The following DYNC2H1 variants were observed in gnomAD, a reference collection of about 807,000 sequenced individuals.
DYNC2H1 encodes dynein cytoplasmic 2 heavy chain 1.
Under a neutral mutation model 570.0 loss-of-function variants are expected in DYNC2H1, and 410 were observed. The ratio of observed to expected loss-of-function variants is 0.72; its 90% CI spans 0.66 to 0.78. The LOEUF (loss-of-function observed/expected upper bound fraction) is 0.78. Ranked by LOEUF, DYNC2H1 falls within the 30% of genes least tolerant of loss-of-function variation. The pLI, the probability that DYNC2H1 is intolerant of heterozygous loss-of-function variation, is 0.00. For missense variants in DYNC2H1, 4,865 were observed against 5,046.4 expected (o/e 0.96, Z 1.09); for synonymous variants, 1,688 against 1,677.6 (o/e 1.01, Z -0.15).
At chr11:103,442,727 C>A (rs929345939) in intron 85 of DYNC2H1, among the ~76,000 whole-genome samples, 1 of 152,094 alleles carries the variant, frequency 6.6e-6, no homozygotes, top group African/African-American at 2.4e-5. Context: ...TTTCTATCTG[C>A]ATTGCACCTT....
chr11:103,317,051 C>G (rs558649592), intron 80 of DYNC2H1, among the ~76,000 whole-genome samples: 52 of 152,208 alleles, frequency 3.4e-4, no homozygotes, highest in African/African-American at 1.2e-3. Context: ...GCCATTTAAT[C>G]TGACCCCCTA....
Position 103,228,738 on chromosome 11 carries a change from A to G in DYNC2H1, c.9354-2522A>G, listed in dbSNP as rs1863890619. On this transcript the variant is annotated intron_variant, in intron 59 of 88. Coordinates refer to ENST00000375735, the MANE Select transcript of DYNC2H1 (RefSeq NM_001377.3). The surrounding 1 kb of genome is among the most constrained non-coding windows in gnomAD (Gnocchi z 6.1). ...TATAGGGAGGATGCAAACTTGCCCT[A>G]GGGACACCTGGTTAACTCTTCAGGT... 1.3e-5 allele frequency among the ~76,000 whole-genome samples: 2 copies of G among 152,100 alleles called. No homozygotes were observed. The highest frequency in any genetic ancestry group is 4.1e-4 in the South Asian group (2 of 4,820).
intron 84 of DYNC2H1, among the ~76,000 whole-genome samples, chr11:103,423,980 A>G (rs1474032514): frequency 2.0e-5 from 3 of 152,138 alleles, no homozygotes; most frequent in African/African-American, 7.2e-5. Context: ...AAAAGAATGA[A>G]GTAGATGGGA....
chr11:103,421,195 T>A (rs1187158181), intron 84 of DYNC2H1, among the ~76,000 whole-genome samples: 1 of 151,838 alleles, frequency 6.6e-6, no homozygotes, highest in African/African-American at 2.4e-5. Flanking sequence ...CAAATAGATA[T>A]GCACCCAGAT....
chr11:103,208,012 A>G (rs1863005434), intron 52 of DYNC2H1, among the ~76,000 whole-genome samples: 2 of 152,094 alleles, frequency 1.3e-5, no homozygotes, highest in South Asian at 4.2e-4. Flanking sequence ...CAGGATTTTG[A>G]TGTTGGAAGG....
chr11:103,171,036 CAT>C lies in DYNC2H1; in HGVS notation c.5304_5305del (p.His1768GlnfsTer5). 1.2e-6 allele frequency: 2 copies of C among 1,610,464 alleles called. No homozygotes were observed. Among genetic ancestry groups the C allele is most frequent in the Non-Finnish European group, 8.5e-7 (1 of 1,177,734 alleles). On this transcript the variant is annotated frameshift_variant, in exon 34 of 89. Transcript: ENST00000375735. LOFTEE classifies it high-confidence loss of function. ...GACAATTCAAGATGCTTTGAAGAAT[CAT>C]AGAACTGTATGTGAACTGCTTGGCA... ...IQTIQDALKN[H>X]RTVCELLGKE...
intron 74 of DYNC2H1, among the ~76,000 whole-genome samples, 187 bp downstream of exon 74, chr11:103,286,573 C>T (rs1210307633): frequency 6.6e-6 from 1 of 152,154 alleles, no homozygotes; most frequent in Non-Finnish European, 1.5e-5. Flanking sequence ...GGTCTGGTTT[C>T]TCTCTCACTG....
chr11:103,193,743 T>C (rs1190829602), intron 47 of DYNC2H1, among the ~76,000 whole-genome samples: 5 of 151,954 alleles, frequency 3.3e-5, no homozygotes, highest in African/African-American at 9.7e-5. Context: ...AGACAGGGCT[T>C]CTCCATGTTG....
At chr11:103,322,066 TCTTA>T (rs895308799) in intron 81 of DYNC2H1, among the ~76,000 whole-genome samples, 1 of 152,176 alleles carries the variant, frequency 6.6e-6, no homozygotes, top group African/African-American at 2.4e-5. Context: ...TTACTGACTA[TCTTA>T]CTTATTACCT....
chr11:103,247,474 T>C (rs1318130740), intron 65 of DYNC2H1, among the ~76,000 whole-genome samples: 1 of 152,126 alleles, frequency 6.6e-6, no homozygotes, highest in Non-Finnish European at 1.5e-5. Flanking sequence ...GCCCGAAGAC[T>C]GGTAGATCAC....
chr11:103,300,817 GTGGTA>G (rs1867015953), intron 75 of DYNC2H1, among the ~76,000 whole-genome samples: 1 of 151,916 alleles, frequency 6.6e-6, no homozygotes, highest in Non-Finnish European at 1.5e-5. Context: ...AAATAAACAA[GTGGTA>G]TGGTAATCTG....
In DYNC2H1 at chr11:103,450,730, A is replaced by G. The variant is rs576338768; in HGVS notation, c.12457-4456A>G. ...TTATTTGCATTAAACACTTTTGCCAAGGAACACAGTGCATTAAAACAAAGT... is the reference window on the plus strand; with the variant it reads ...TTATTTGCATTAAACACTTTTGCCAGGGAACACAGTGCATTAAAACAAAGT... On this transcript the variant is annotated intron_variant, in intron 85 of 88. Transcript: ENST00000375735. Among the ~76,000 whole-genome samples, 3 of 152,340 alleles carry G rather than the reference A, an allele frequency of 2.0e-5. No homozygotes were observed. The East Asian group carries it at 5.8e-4, about 29-fold the overall frequency.
intron 85 of DYNC2H1, among the ~76,000 whole-genome samples, chr11:103,451,522 G>A (rs1332179174): frequency 6.6e-6 from 1 of 151,868 alleles, no homozygotes; most frequent in East Asian, 1.9e-4. Context: ...TAGTAGAGAC[G>A]GGGTTTTGCC....
intron 47 of DYNC2H1, among the ~76,000 whole-genome samples, chr11:103,195,480 T>G (rs985491383): frequency 3.3e-5 from 5 of 152,228 alleles, no homozygotes; most frequent in Non-Finnish European, 7.4e-5. Flanking sequence ...TGGGTCTATT[T>G]CTGGGTTCTC....
chr11:103,392,179 C>G (rs567112133), intron 83 of DYNC2H1, among the ~76,000 whole-genome samples: 18 of 152,228 alleles, frequency 1.2e-4, no homozygotes, highest in Non-Finnish European at 2.4e-4. Flanking sequence ...CTTTGTTTAC[C>G]TACTCAAGCC....
intron 84 of DYNC2H1, among the ~76,000 whole-genome samples, chr11:103,417,314 G>GGGGGTTTCACC (rs1375566561): frequency 2.7e-4 from 41 of 152,064 alleles, no homozygotes; most frequent in African/African-American, 3.1e-4. Context: ...TGTTGGTCAG[G>GGGGGTTTCACC]ATGGTCTCGA....
At chr11:103,292,026 T>C (rs552174211) in intron 75 of DYNC2H1, among the ~76,000 whole-genome samples, 69 of 152,268 alleles carry the variant, frequency 4.5e-4, no homozygotes, top group African/African-American at 1.5e-3. Flanking sequence ...TCTCTTTTAC[T>C]TGGAGAATTT....
Position 103,224,122 on chromosome 11 carries a change from G to A in DYNC2H1, c.9353+1036G>A, listed in dbSNP as rs555243375. ...CTTAGCATGTATTTTCCAAAACAGT[G>A]TGTGGGCAGGTAGGAGGAAGATTTA... On this transcript the variant is annotated intron_variant, in intron 59 of 88. Transcript: ENST00000375735. 5.9e-5 allele frequency among the ~76,000 whole-genome samples: 9 copies of A among 152,244 alleles called. No homozygotes were observed. In the East Asian group the frequency reaches 1.7e-3, roughly 29 times the overall value.
intron 31 of DYNC2H1, among the ~76,000 whole-genome samples, chr11:103,166,315 A>G (rs550136960): frequency 6.6e-6 from 1 of 152,240 alleles, no homozygotes; most frequent in Admixed American, 6.5e-5. Context: ...ACATACACTG[A>G]AAACTCCATG....
Sources: gnomAD v4.1 joint callset for allele counts (sites outside exome capture counted in the v4.1 genomes callset) on GRCh38, gnomAD v4.1.1 for gene constraint, Gnocchi (gnomAD v3.1) non-coding constraint, MANE v1.5 for transcripts, NCBI Gene and HGNC (gene_info 2026-07-23, HGNC 2026-07-21) for gene names.